PRRC2C: variants seen among roughly 807,000 people sequenced by gnomAD.
PRRC2C encodes protein PRRC2C.
Under a neutral mutation model 317.2 loss-of-function variants are expected in PRRC2C, and 72 were observed. The observed-to-expected ratio is 0.23, with a 90% CI of 0.19 to 0.28. PRRC2C has a LOEUF of 0.28. Among genes scored for constraint, PRRC2C ranks in the 10% least tolerant of loss-of-function variants. The probability of loss-of-function intolerance (pLI) is 1.00; values close to 1 mark genes in which losing one functional copy is unlikely to be tolerated. For missense variants in PRRC2C, 3,074 were observed against 3,459.7 expected (o/e 0.89, Z 2.80); for synonymous variants, 1,296 against 1,205.9 (o/e 1.07, Z -1.55).
chr1:171,537,281 C>A lies in PRRC2C; in HGVS notation c.2312C>A (p.Pro771Gln). The A allele has an allele frequency of 6.3e-7, 1 of 1,595,258 alleles. No homozygotes were observed. Among genetic ancestry groups the A allele is most frequent in the Non-Finnish European group, 8.5e-7 (1 of 1,169,840 alleles). The change falls in exon 15 of 35, where the codon CCA becomes CAA. Residue 771 changes from proline to glutamine, a missense_variant. This residue lies in a region of PRRC2C where 1,320 missense variants were observed against 1,395.7 expected (regional missense o/e 0.95). Coordinates refer to ENST00000647382, the MANE Select transcript of PRRC2C (RefSeq NM_001387844.1). ...GTTACAGGAATGATTCCTCCTAAAC[C>A]ATTAATGAGAAGAGACCAGATGGAA... ...PIHPGMIPPK[P>Q]LMRRDQMEGS...
intron 27 of PRRC2C, 32 bp from the exon 28 acceptor site, chr1:171,579,775 TTATCTGTATGATGTTGATATA>T: frequency 2.0e-6 from 3 of 1,477,736 alleles, no homozygotes; most frequent in Non-Finnish European, 2.7e-6. Context: ...TGTTAATGAT[TTATCTGTATGATGTTGATATA>T]TATGTTTACA....
chr1:171,517,678 G>T lies in PRRC2C; in HGVS notation c.614G>T (p.Ser205Ile). The T allele has an allele frequency of 6.2e-7, 1 of 1,613,576 alleles. No individual in the cohort carries two copies. Among genetic ancestry groups the T allele is most frequent in the South Asian group, 1.1e-5 (1 of 91,042 alleles). Residue 205 changes from serine to isoleucine, a missense_variant, in exon 6 of 35, where the codon AGC (serine) becomes ATC (isoleucine). By Grantham distance (142) the Ser-to-Ile change is moderately radical. Coordinates refer to ENST00000647382, the MANE Select transcript of PRRC2C (RefSeq NM_001387844.1). ...GAAAAGCTCCCTGGCCAGGATGAAA[G>T]CACAGCTGGAACATCAGAGCAAAAT... Reference protein sequence around the residue: ...QDEKLPGQDESTAGTSEQNDI... With the variant: ...QDEKLPGQDEITAGTSEQNDI...
intron 4 of PRRC2C, 26 bp downstream of exon 4, chr1:171,514,671 TGCC>T: frequency 6.5e-7 from 1 of 1,532,918 alleles, no homozygotes; most frequent in Non-Finnish European, 8.8e-7. Flanking sequence ...TTGGGGAAGC[TGCC>T]TAGGCTTGAT....
At chr1:171,588,789 T>C (rs1257146249) in intron 33 of PRRC2C, among the ~76,000 whole-genome samples, 5 of 152,218 alleles carry the variant, frequency 3.3e-5, no homozygotes, top group Non-Finnish European at 7.3e-5. Context: ...GGAGTTGACT[T>C]TTCAGCGAAG....
chr1:171,553,902 T>C (rs577404673), intron 18 of PRRC2C, among the ~76,000 whole-genome samples: 1 of 152,350 alleles, frequency 6.6e-6, no homozygotes, highest in African/African-American at 2.4e-5. Context: ...TGGTCAGTTT[T>C]GGAATAAGTG....
rs760121094 is a variant in PRRC2C at position 171,513,036 on chromosome 1, A to G, written c.154A>G (p.Ile52Val). 1 of 1,613,626 alleles carries G rather than the reference A, an allele frequency of 6.2e-7. No homozygotes were observed. Among genetic ancestry groups the G allele is most frequent in the Non-Finnish European group, 8.5e-7 (1 of 1,179,722 alleles). Residue 52 changes from isoleucine to valine, a missense_variant, in exon 3 of 35, where the codon ATT becomes GTT. By Grantham distance (29) the Ile-to-Val change is conservative (BLOSUM62 3). Coordinates refer to ENST00000647382, the MANE Select transcript of PRRC2C (RefSeq NM_001387844.1). ...HGLQSLGKVGISRRMPPPANL... is the reference protein window; with the variant it reads ...HGLQSLGKVGVSRRMPPPANL... ...ATTACAGAGTCTTGGAAAAGTCGGT[A>G]TTTCACGGCGTATGCCTCCACCTGC...
chr1:171,532,672 G>A lies in PRRC2C; in HGVS notation c.1584G>A (p.Glu528=). 1 of 1,551,496 alleles carries A rather than the reference G, an allele frequency of 6.4e-7. No individual in the cohort carries two copies. The highest frequency in any genetic ancestry group is 8.7e-7 in the Non-Finnish European group (1 of 1,147,026). ...AACTTGAAAAAGAACAAGAACAGGA[G>A]CGAGAGAAGGAGAGGGAAAAAGACA... ...EKELEKEQEQ[E]REKEREKDRE... is the part of the protein sequence containing the mutation. The change falls in exon 12 of 35, where the codon GAG becomes GAA. Residue 528 remains glutamate, a synonymous_variant. Coordinates refer to ENST00000647382, the MANE Select transcript of PRRC2C (RefSeq NM_001387844.1).
chr1:171,535,389 T>C, intron 12 of PRRC2C, 39 bp from the exon 13 acceptor site: 1 of 1,563,826 alleles, frequency 6.4e-7, no homozygotes, highest in Non-Finnish European at 8.7e-7. Flanking sequence ...ATAAGTGTCA[T>C]AGATGAATAC....
At chr1:171,543,526 TACTTGTGATGC>T (rs1290368870) in intron 16 of PRRC2C, among the ~76,000 whole-genome samples, 1 of 152,204 alleles carries the variant, frequency 6.6e-6, no homozygotes, top group African/African-American at 2.4e-5. Context: ...ACTAAGATGA[TACTTGTGATGC>T]ACTTAATACC....
intron 10 of PRRC2C, among the ~76,000 whole-genome samples, chr1:171,526,380 C>G (rs1440336126): frequency 6.6e-6 from 1 of 152,222 alleles, no homozygotes; most frequent in Non-Finnish European, 1.5e-5. Context: ...CTCTTTCACC[C>G]AGGCTGGAAT....
At position 171,591,744 on chromosome 1, in the gene PRRC2C, A is replaced by C. The variant is rs760609776; in HGVS notation, c.8594A>C (p.Lys2865Thr). The stretch of plus-strand genomic sequence containing the variant: ...GACCCTCCTGGGGTCTGTCAGGAAA[A>C]AGTAGAAGAAAAGCCACCCCCTGCA... The part of the protein sequence containing the change: ...LTDPPGVCQE[K>T]VEEKPPPAPS... Residue 2865 changes from lysine to threonine, a missense_variant, in exon 35 of 35, where the codon AAA becomes ACA. This residue lies in a region of PRRC2C where 78 missense variants were observed against 97.7 expected (regional missense o/e 0.80). Transcript: ENST00000647382. The C allele has an allele frequency of 1.2e-6, 2 of 1,613,760 alleles. No individual in the cohort carries two copies. The highest frequency in any genetic ancestry group is 1.7e-6 in the Non-Finnish European group (2 of 1,179,862).
In PRRC2C at chr1:171,522,185, A is replaced by T. The variant is rs111256014; in HGVS notation, c.759A>T (p.Gln253His). 2 of 1,572,374 alleles carry T rather than the reference A, an allele frequency of 1.3e-6. No homozygotes were observed. Among genetic ancestry groups the T allele is most frequent in the Non-Finnish European group, 1.7e-6 (2 of 1,151,462 alleles). Residue 253 changes from glutamine (Q) to histidine (H), a missense_variant, in exon 7 of 35, where the codon CAA becomes CAT. By Grantham distance (24) the Gln-to-His change is conservative. Around this residue, in one of 11 missense-constraint regions of PRRC2C, gnomAD observed 237 missense variants for 199.5 expected, o/e 1.19. Coordinates refer to ENST00000647382, the MANE Select transcript of PRRC2C (RefSeq NM_001387844.1). ...TTGTTTCCTTCATTCAGATGTTCCAACAGTATCCGAGGATGACATATCCTC... is the reference window on the plus strand; with the variant it reads ...TTGTTTCCTTCATTCAGATGTTCCATCAGTATCCGAGGATGACATATCCTC... The part of the protein sequence containing the change: ...YRAMMPPYMF[Q>H]QYPRMTYPPL...
chr1:171,514,818 G>A (rs1672036841), intron 4 of PRRC2C, among the ~76,000 whole-genome samples, 173 bp downstream of exon 4: 2 of 152,200 alleles, frequency 1.3e-5, no homozygotes, highest in South Asian at 2.1e-4. Context: ...AAGTTCCAAT[G>A]TCAAGAGCCA....
At chr1:171,561,522 C>T (rs549441521) in intron 20 of PRRC2C, among the ~76,000 whole-genome samples, 1 of 152,214 alleles carries the variant, frequency 6.6e-6, no homozygotes, top group South Asian at 2.1e-4. Flanking sequence ...ATTGCTGAGC[C>T]CCATGTCCAT....
At chr1:171,554,914 C>T (rs999908722) in intron 18 of PRRC2C, among the ~76,000 whole-genome samples, 2 of 152,132 alleles carry the variant, frequency 1.3e-5, no homozygotes, top group African/African-American at 4.8e-5. Flanking sequence ...TCATTTCAAC[C>T]TTGGTGAATC....
chr1:171,543,992 G>A (rs1678524477), intron 16 of PRRC2C, among the ~76,000 whole-genome samples: 1 of 152,160 alleles, frequency 6.6e-6, no homozygotes, highest in Non-Finnish European at 1.5e-5. Context: ...TCATTAACCT[G>A]TTAAGGATCA....
At chr1:171,497,762 C>T (rs1303911735) in intron 1 of PRRC2C, among the ~76,000 whole-genome samples, 2 of 152,092 alleles carry the variant, frequency 1.3e-5, no homozygotes, top group Non-Finnish European at 2.9e-5. Flanking sequence ...AGCCACTGCG[C>T]GTGGCCCTAA....
At chr1:171,508,504 G>A (rs1314533341) in intron 1 of PRRC2C, among the ~76,000 whole-genome samples, 2 of 152,190 alleles carry the variant, frequency 1.3e-5, no homozygotes, top group Non-Finnish European at 2.9e-5. Flanking sequence ...GGTTTAATGT[G>A]TTATTGAGAA....
Position 171,545,637 on chromosome 1 carries a change from C to A in PRRC2C, c.4922C>A (p.Pro1641Gln). ...GACCCCAAACCAGGCCCTAAAAAAC[C>A]AAAAGAGAAAGTGGATGCTCTATCA... is the stretch of plus-strand genomic sequence containing the variant. ...REDPKPGPKKPKEKVDALSQF... is the reference protein window; with the variant it reads ...REDPKPGPKKQKEKVDALSQF... The change falls in exon 17 of 35, where the codon CCA (proline) becomes CAA (glutamine). Residue 1641 changes from proline to glutamine, a missense_variant. By Grantham distance (76) the Pro-to-Gln change is moderately conservative (BLOSUM62 -1). Transcript: ENST00000647382. The A allele has an allele frequency of 6.2e-7, 1 of 1,613,154 alleles. No homozygotes were observed. The highest frequency in any genetic ancestry group is 8.5e-7 in the Non-Finnish European group (1 of 1,179,512).
Sources: allele counts gnomAD v4.1 joint callset (sites outside exome capture counted in the v4.1 genomes callset), GRCh38; gene constraint gnomAD v4.1.1; regional missense constraint gnomAD v4.1.1; transcripts MANE v1.5; gene names NCBI Gene and HGNC (gene_info 2026-07-23, HGNC 2026-07-21).